Variants in ANKS1B observed in about 807,000 individuals in gnomAD.
ANKS1B encodes ankyrin repeat and sterile alpha motif domain-containing protein 1B.
In ANKS1B, 36 loss-of-function variants were observed where a neutral mutation model predicts 148.3. The observed-to-expected ratio is 0.24, with a 90% CI of 0.19 to 0.32. ANKS1B has a LOEUF of 0.32. Ranked by LOEUF, ANKS1B falls within the 10% of genes least tolerant of loss-of-function variation. The pLI is 1.00. For missense variants in ANKS1B, 1,157 were observed against 1,542.6 expected (o/e 0.75, Z 4.19); for synonymous variants, 542 against 560.8 (o/e 0.97, Z 0.47).
chr12:99,893,894 G>A (rs529566802), intron 1 of ANKS1B, among the ~76,000 whole-genome samples: 6 of 152,074 alleles, frequency 3.9e-5, no homozygotes, highest in East Asian at 1.9e-4. Context: ...CACCACTGAC[G>A]GGCACCTGGG....
At chr12:99,730,363 C>T (rs1026885402) in intron 8 of ANKS1B, among the ~76,000 whole-genome samples, 2 of 152,132 alleles carry the variant, frequency 1.3e-5, no homozygotes, top group South Asian at 2.1e-4. Flanking sequence ...GACAATTGCA[C>T]ACTCTCTCTA....
At chr12:98,845,415 C>A (rs981341579) in intron 17 of ANKS1B, among the ~76,000 whole-genome samples, 17 of 152,156 alleles carry the variant, frequency 1.1e-4, no homozygotes, top group Admixed American at 2.0e-4. Flanking sequence ...CTGGCTCCTA[C>A]CTTCTGCTCA....
chr12:98,746,080 G>A (rs1282647264), intron 26 of ANKS1B, among the ~76,000 whole-genome samples: 1 of 152,214 alleles, frequency 6.6e-6, no homozygotes, highest in Admixed American at 6.5e-5. Flanking sequence ...GCCCTTGTGA[G>A]CACACAGACG....
At chr12:99,525,461 C>T (rs1447075335) in intron 9 of ANKS1B, among the ~76,000 whole-genome samples, 3 of 152,106 alleles carry the variant, frequency 2.0e-5, no homozygotes, top group East Asian at 1.9e-4. Flanking sequence ...GGAGATCAAC[C>T]TTTATCAGAT....
chr12:98,750,192 C>T (rs1231482188), intron 26 of ANKS1B, among the ~76,000 whole-genome samples: 1 of 152,034 alleles, frequency 6.6e-6, no homozygotes, highest in Admixed American at 6.6e-5. Context: ...TGGGTTGGGT[C>T]AGTGCTGAAT....
chr12:99,627,056 G>A (rs756105430), intron 9 of ANKS1B, among the ~76,000 whole-genome samples: 21 of 152,148 alleles, frequency 1.4e-4, no homozygotes, highest in Middle Eastern at 3.4e-3. Context: ...GAATGTTAGC[G>A]CCTGATAAGT....
chr12:99,384,689 T>G (rs2093786253), intron 12 of ANKS1B, among the ~76,000 whole-genome samples: 1 of 147,786 alleles, frequency 6.8e-6, no homozygotes, highest in Non-Finnish European at 1.5e-5. Context: ...TCCATCAATA[T>G]CTATCTGATT....
intron 9 of ANKS1B, among the ~76,000 whole-genome samples, chr12:99,615,655 A>C (rs907519415): frequency 7.9e-5 from 12 of 152,182 alleles, no homozygotes; most frequent in Admixed American, 2.0e-4. Context: ...AAATAATAAG[A>C]GCTATTTATG....
intron 17 of ANKS1B, among the ~76,000 whole-genome samples, chr12:98,946,646 C>T (rs768654698): frequency 5.9e-5 from 9 of 152,038 alleles, no homozygotes; most frequent in South Asian, 4.1e-4. Context: ...TCAGGTTTCA[C>T]CTCATTGAAA....
chr12:99,372,059 C>G (rs1227945762), intron 12 of ANKS1B, among the ~76,000 whole-genome samples: 1 of 152,078 alleles, frequency 6.6e-6, no homozygotes, highest in Non-Finnish European at 1.5e-5. Context: ...GGATACATGT[C>G]TACTTACATA....
At position 99,137,356 on chromosome 12, in the gene ANKS1B, C is replaced by T. The variant is rs143687791; in HGVS notation, c.2526+16933G>A. On this transcript the variant is annotated intron_variant, in intron 15 of 26. Transcript: ENST00000683438. ...ATAATCACCTACAACCAGGGGCCAA[C>T]GATTACCCAGTCAGTCAACGACATT... is the stretch of plus-strand genomic sequence containing the variant. Among the ~76,000 whole-genome samples the T allele has an allele frequency of 2.8e-3, 424 of 152,248 alleles. 1 individual carries two copies. Among genetic ancestry groups the T allele is most frequent in the African/African-American group, 9.7e-3 (404 of 41,514 alleles).
chr12:98,949,341 T>C (rs1405591550), intron 17 of ANKS1B, among the ~76,000 whole-genome samples: 1 of 152,166 alleles, frequency 6.6e-6, no homozygotes, highest in Non-Finnish European at 1.5e-5. Context: ...TTCTCAGGCC[T>C]ATGCAGCTGC....
chr12:99,513,951 A>T (rs2096791164), intron 9 of ANKS1B, among the ~76,000 whole-genome samples: 1 of 152,096 alleles, frequency 6.6e-6, no homozygotes, highest in African/African-American at 2.4e-5. Context: ...TGCTAGTCAT[A>T]GAACACGTTG....
At chr12:99,349,625 G>A (rs893925239) in intron 12 of ANKS1B, among the ~76,000 whole-genome samples, 3 of 151,970 alleles carry the variant, frequency 2.0e-5, no homozygotes, top group African/African-American at 7.2e-5. Flanking sequence ...CCCTCAGGAA[G>A]ATGTGACAAT....
At chr12:99,668,965 A>T (rs887037013) in intron 8 of ANKS1B, among the ~76,000 whole-genome samples, 1 of 151,694 alleles carries the variant, frequency 6.6e-6, no homozygotes. Context: ...TGTCTTTTTC[A>T]TCTCTAGATG....
intron 10 of ANKS1B, among the ~76,000 whole-genome samples, chr12:99,484,537 G>A (rs973562980): frequency 7.2e-5 from 11 of 151,908 alleles, no homozygotes; most frequent in East Asian, 3.9e-4. Flanking sequence ...TAAGTCCACC[G>A]TTTCTTTGTT....
intron 9 of ANKS1B, among the ~76,000 whole-genome samples, chr12:99,650,421 T>C (rs2098411639): frequency 9.7e-6 from 1 of 102,714 alleles, no homozygotes; most frequent in Non-Finnish European, 2.4e-5. Context: ...ATCTGGAACA[T>C]AGTAGGCACT....
intron 9 of ANKS1B, among the ~76,000 whole-genome samples, chr12:99,517,881 A>G (rs2096837703): frequency 6.6e-6 from 1 of 152,138 alleles, no homozygotes; most frequent in South Asian, 2.1e-4. Flanking sequence ...TATTATGTTA[A>G]GATATGTTCC....
chr12:99,632,758 TATA>T lies in ANKS1B; in HGVS notation c.1272+22306_1272+22308del, dbSNP rs1567522876. On this transcript the variant is annotated intron_variant, in intron 9 of 26. Transcript: ENST00000683438. ...ATATATATATATATATATATATATATATATATATATTTTAATTATACTTTAAGT... is the reference window on the plus strand; with the variant it reads ...ATATATATATATATATATATATATATTATATATTTTAATTATACTTTAAGT... 4.6e-3 allele frequency among the ~76,000 whole-genome samples: 405 copies of T among 87,286 alleles called. 3 individuals carry two copies. Among genetic ancestry groups the T allele is most frequent in the African/African-American group, 0.015 (378 of 24,494 alleles). 57.3% of individuals were successfully genotyped at this position (87,286 alleles called of 152,430 possible). A position where few individuals can be genotyped will look rare whatever the true frequency, so the allele number is the denominator to read the frequency against.
Sources: allele counts gnomAD v4.1 joint callset (sites outside exome capture counted in the v4.1 genomes callset), GRCh38; gene constraint gnomAD v4.1.1; transcripts MANE v1.5; gene names NCBI Gene and HGNC (gene_info 2026-07-23, HGNC 2026-07-21).